USP13: variants seen among roughly 807,000 people sequenced by gnomAD.
USP13 encodes the protein ubiquitin specific peptidase 13.
In USP13, 68 loss-of-function variants were observed where a neutral mutation model predicts 107.8. The observed-to-expected ratio is 0.63, with a 90% CI of 0.52 to 0.77. USP13 has a LOEUF of 0.77. USP13 is among the 30% of genes least tolerant of loss of function. The probability of loss-of-function intolerance (pLI) is 0.00; values close to 1 mark genes in which losing one functional copy is unlikely to be tolerated. For missense variants in USP13, 945 were observed against 1,093.3 expected, an observed-to-expected ratio of 0.86 and a Z score of 1.91; for synonymous variants, 377 against 389.5, an observed-to-expected ratio of 0.97 and a Z score of 0.38.
chr3:179,738,304 A>G (rs1714063957), intron 10 of USP13, among the ~76,000 whole-genome samples: 1 of 152,242 alleles, frequency 6.6e-6, no homozygotes, highest in Non-Finnish European at 1.5e-5. Flanking sequence ...TGCAGAGAGG[A>G]CATAAATTAC....
chr3:179,697,206 T>C (rs889973018), intron 3 of USP13, among the ~76,000 whole-genome samples: 4 of 152,228 alleles, frequency 2.6e-5, no homozygotes, highest in African/African-American at 9.6e-5. Flanking sequence ...GTTTCGCTAA[T>C]GGGCCTGTTC....
intron 2 of USP13, 118 bp downstream of exon 2, chr3:179,682,121 T>C (rs1458160928): frequency 2.2e-5 from 30 of 1,353,788 alleles, no homozygotes; most frequent in Non-Finnish European, 2.3e-5. Context: ...CCTTTGACGA[T>C]GAGAAACAAA....
rs140775208 is a variant in USP13 at position 179,731,868 on chromosome 3, C to A, written c.1254+1159C>A. ...GGCAGGCTCGTTCAGTTCTGTGTCTCAAGTGTTTATCTTAAGGCAGTCCTT... is the reference window on the plus strand; with the variant it reads ...GGCAGGCTCGTTCAGTTCTGTGTCTAAAGTGTTTATCTTAAGGCAGTCCTT... On this transcript the variant is annotated intron_variant, in intron 10 of 20. Transcript: ENST00000263966. 2.0e-5 allele frequency among the ~76,000 whole-genome samples: 3 copies of A among 152,230 alleles called. No individual in the cohort carries two copies. The East Asian group carries it at 5.8e-4, about 29-fold the overall frequency.
At chr3:179,705,409 C>G (rs1047461978) in intron 4 of USP13, among the ~76,000 whole-genome samples, 1 of 152,124 alleles carries the variant, frequency 6.6e-6, no homozygotes, top group Admixed American at 6.5e-5. Flanking sequence ...AAACCCATAC[C>G]CCTTAGCCAT....
rs140270155 is a variant in USP13, at chr3:179,734,193, T to C, written c.1254+3484T>C. ...ATATATGCATGCTTAATAAACATTGTCATGCATAAAAAGGCAGCAGTATTT... is the reference window on the plus strand; with the variant it reads ...ATATATGCATGCTTAATAAACATTGCCATGCATAAAAAGGCAGCAGTATTT... On this transcript the variant is annotated intron_variant, in intron 10 of 20. Coordinates refer to ENST00000263966, the MANE Select transcript of USP13 (RefSeq NM_003940.3). Among the ~76,000 whole-genome samples, 415 of 152,366 alleles carry C rather than the reference T, an allele frequency of 2.7e-3. 2 individuals are homozygous for C. The highest frequency in any genetic ancestry group is 9.6e-3 in the African/African-American group (399 of 41,592).
In USP13 at chr3:179,735,235, G is replaced by A. The variant is rs915962425; in HGVS notation, c.1254+4526G>A. On this transcript the variant is annotated intron_variant, in intron 10 of 20. Coordinates refer to ENST00000263966, the MANE Select transcript of USP13 (RefSeq NM_003940.3). The stretch of plus-strand genomic sequence containing the variant: ...GTGTGTGTTCCCTGAAGGCAGGGCC[G>A]ACTCTTGGTCAAGTTGGGTCTCTGC... 3.3e-5 allele frequency among the ~76,000 whole-genome samples: 5 copies of A among 152,300 alleles called. No homozygotes were observed. The East Asian group carries it at 7.7e-4, about 24-fold the overall frequency.
chr3:179,679,222 G>T (rs994160524), intron 1 of USP13, among the ~76,000 whole-genome samples: 1 of 151,658 alleles, frequency 6.6e-6, no homozygotes, highest in African/African-American at 2.4e-5. Flanking sequence ...AATTTTATTG[G>T]AATTTAAACA....
At position 179,653,581 on chromosome 3, in the gene USP13, C is replaced by T; in HGVS notation, c.168+188C>T. On this transcript the variant is annotated intron_variant, in intron 1 of 20. Transcript: ENST00000263966. This position sits in a 1 kb window ranked among gnomAD's most constrained non-coding sequence, Gnocchi z 4.0. ...GGGCTGCTGCAGCCGAGGACTGGCT[C>T]GTGCTGGTGGTTTTGCTCCGCCAGC... 3 of 815,844 alleles carry T rather than the reference C, an allele frequency of 3.7e-6. No homozygotes were observed. The highest frequency in any genetic ancestry group is 3.1e-5 in the East Asian group (1 of 32,542). 50.5% of individuals were successfully genotyped at this position (815,844 alleles called of 1,614,324 possible).
chr3:179,653,439 G>T lies in USP13; in HGVS notation c.168+46G>T, dbSNP rs1178116482. 2 of 1,532,188 alleles carry T rather than the reference G, an allele frequency of 1.3e-6. No homozygotes were observed. Among genetic ancestry groups the T allele is most frequent in the Middle Eastern group, 1.9e-4 (1 of 5,320 alleles). The allele number at this position is 1,532,188 out of a possible 1,614,324, so 94.9% of individuals were successfully genotyped here. A position where few individuals can be genotyped will look rare whatever the true frequency, so the allele number is the denominator to read the frequency against. The stretch of plus-strand genomic sequence containing the variant: ...GAGGGTCGCGGGGCCGGCGGCCTGC[G>T]GCACGTGAAGCCGGGGGAGAAGATG... On this transcript the variant is annotated intron_variant, in intron 1 of 20. Transcript: ENST00000263966. This position sits in a 1 kb window ranked among gnomAD's most constrained non-coding sequence, Gnocchi z 4.0.
At chr3:179,724,955 C>T (rs28536756) in intron 8 of USP13, among the ~76,000 whole-genome samples, 1,584 of 152,306 alleles carry the variant, frequency 0.01, 17 homozygotes, top group Middle Eastern at 0.058. Flanking sequence ...CATGGTGGCT[C>T]ATGCCTGTAA....
At chr3:179,687,750 C>T (rs527244656) in intron 2 of USP13, among the ~76,000 whole-genome samples, 2 of 151,154 alleles carry the variant, frequency 1.3e-5, no homozygotes, top group African/African-American at 4.8e-5. Context: ...CAATCCCACC[C>T]AGTCTGCACA....
chr3:179,664,782 C>T (rs1203081277), intron 1 of USP13, among the ~76,000 whole-genome samples: 1 of 152,134 alleles, frequency 6.6e-6, no homozygotes, highest in Non-Finnish European at 1.5e-5. Flanking sequence ...GTATGTGCCT[C>T]ATGTGGTAAG....
rs1345673707 is a variant in USP13 at position 179,788,820 on chromosome 3, TAGAC to T, written c.*4683_*4686del. 1 of 152,132 alleles carries T rather than the reference TAGAC, an allele frequency of 6.6e-6. No homozygotes were observed. The highest frequency in any genetic ancestry group is 6.5e-5 in the Admixed American group (1 of 15,274). The allele number at this position is 152,132 out of a possible 1,614,324, so 9.4% of individuals were successfully genotyped here. A position where few individuals can be genotyped will look rare whatever the true frequency, so the allele number is the denominator to read the frequency against. On this transcript the variant is annotated 3_prime_UTR_variant, in exon 21 of 21. Transcript: ENST00000263966. ...AACGCAATTCTGCAAAGTATCTAAATAGACAGAAACAACACAAATATTTTTGCTG... is the reference window on the plus strand; with the variant it reads ...AACGCAATTCTGCAAAGTATCTAAATAGAAACAACACAAATATTTTTGCTG...
chr3:179,779,432 AG>A (rs1414125252), intron 19 of USP13, among the ~76,000 whole-genome samples: 1 of 152,056 alleles, frequency 6.6e-6, no homozygotes, highest in Non-Finnish European at 1.5e-5. Flanking sequence ...TGGGAGGCTG[AG>A]GTAGGAGAAT....
At chr3:179,696,575 G>C (rs1261495781) in intron 3 of USP13, among the ~76,000 whole-genome samples, 1 of 152,018 alleles carries the variant, frequency 6.6e-6, no homozygotes, top group Admixed American at 6.6e-5. Context: ...CTCGTGATCT[G>C]CCCACCTTGG....
intron 19 of USP13, among the ~76,000 whole-genome samples, chr3:179,773,164 G>A (rs1308282467): frequency 1.3e-5 from 2 of 152,160 alleles, no homozygotes; most frequent in African/African-American, 4.8e-5. Context: ...AATACCTTGT[G>A]GGGGAAAAGC....
chr3:179,720,520 T>C (rs1236274983), intron 7 of USP13, among the ~76,000 whole-genome samples: 1 of 152,232 alleles, frequency 6.6e-6, no homozygotes, highest in Non-Finnish European at 1.5e-5. Flanking sequence ...ATGTCATGAC[T>C]ATATAATATT....
Position 179,653,668 on chromosome 3 carries a change from G to A in USP13, c.168+275G>A, listed in dbSNP as rs747589259. The A allele has an allele frequency of 1.8e-5, 8 of 444,726 alleles. No individual in the cohort carries two copies. The highest frequency in any genetic ancestry group is 3.2e-5 in the Non-Finnish European group (8 of 247,042). The allele number at this position is 444,726 out of a possible 1,614,324, so 27.5% of individuals were successfully genotyped here. On this transcript the variant is annotated intron_variant, in intron 1 of 20. Coordinates refer to ENST00000263966, the MANE Select transcript of USP13 (RefSeq NM_003940.3). The surrounding 1 kb of genome is among the most constrained non-coding windows in gnomAD (Gnocchi z 4.0). ...GCACACAGCCCCGCCGCCGTTTAAA[G>A]ATAGATGAAATACAAGAGTTCCCTG... is the stretch of plus-strand genomic sequence containing the variant.
chr3:179,743,455 G>T (rs559420561), intron 12 of USP13, among the ~76,000 whole-genome samples: 3 of 151,432 alleles, frequency 2.0e-5, no homozygotes, highest in Non-Finnish European at 4.4e-5. Context: ...TTTCTTGTGT[G>T]TGGGGGGTGG....
Sources: allele counts gnomAD v4.1 joint callset (sites outside exome capture counted in the v4.1 genomes callset), GRCh38; gene constraint gnomAD v4.1.1; non-coding constraint Gnocchi (gnomAD v3.1); transcripts MANE v1.5; gene names NCBI Gene and HGNC (gene_info 2026-07-23, HGNC 2026-07-21).